Variants in ZNF492 observed in about 807,000 individuals in gnomAD.
ZNF492 encodes zinc finger protein 492.
Under a neutral mutation model 6.4 loss-of-function variants are expected in ZNF492, and 3 were observed. The ratio of observed to expected loss-of-function variants is 0.47; its 90% CI spans 0.21 to 1.22. ZNF492 has a LOEUF of 1.22. Among genes scored for constraint, ZNF492 ranks in the 50% most tolerant of loss-of-function variants. The pLI, the probability that ZNF492 is intolerant of heterozygous loss-of-function variation, is 0.22. For synonymous variants in ZNF492, 112 were observed against 205.3 expected (o/e 0.55, Z 3.89); for missense variants, 356 against 612.5 (o/e 0.58, Z 4.42).
At chr19:22,644,784 G>C (rs549839604) in intron 1 of ZNF492, among the ~76,000 whole-genome samples, 2 of 152,244 alleles carry the variant, frequency 1.3e-5, no homozygotes, top group Admixed American at 1.3e-4. Flanking sequence ...TCTGGTTCTA[G>C]ATCCTTGAGG....
At chr19:22,637,256 C>T (rs1023186875) in intron 1 of ZNF492, among the ~76,000 whole-genome samples, 2 of 151,968 alleles carry the variant, frequency 1.3e-5, no homozygotes, top group African/African-American at 2.4e-5. Flanking sequence ...GGATTACAGG[C>T]GTGAGCCATT....
At chr19:22,655,816 G>GT (rs987078429) in intron 3 of ZNF492, among the ~76,000 whole-genome samples, 819 of 51,784 alleles carry the variant, frequency 0.016, 45 homozygotes, top group African/African-American at 0.027. Context: ...TTTTCTTGTT[G>GT]TTTTTTTTTT....
At chr19:22,646,764 A>C (rs1416486362) in intron 1 of ZNF492, among the ~76,000 whole-genome samples, 2 of 152,196 alleles carry the variant, frequency 1.3e-5, no homozygotes, top group African/African-American at 4.8e-5. Flanking sequence ...TTCTGCATCT[A>C]TTGAGATAAT....
In ZNF492 at chr19:22,640,535, C is replaced by G. The variant is rs774962093; in HGVS notation, c.-94+6061C>G. Among the ~76,000 whole-genome samples, 107 of 152,256 alleles carry G rather than the reference C, an allele frequency of 7.0e-4. 1 individual carries two copies. Among genetic ancestry groups the G allele is most frequent in the Non-Finnish European group, 5.4e-4 (37 of 68,024 alleles). The stretch of plus-strand genomic sequence containing the variant: ...TTATAGTTGGTTAGGTTTTTGATGT[C>G]CTGCTCAATTTGGTTTGCCAATATT... On this transcript the variant is annotated intron_variant, in intron 1 of 3. Transcript: ENST00000456783.
At position 22,663,888 on chromosome 19, in the gene ZNF492, A is replaced by T. The variant is rs570404746; in HGVS notation, c.219A>T (p.Lys73Asn). ...AAGTGATACTGAGAAGATATAAAAA[A>T]TGTGGATGTGAAAATTTACAGTTAA... is the stretch of plus-strand genomic sequence containing the variant. ...FQKVILRRYK[K>N]CGCENLQLRK... Residue 73 changes from lysine (K) to asparagine (N), a missense_variant, in exon 4 of 4, where the codon AAA (lysine) becomes AAT (asparagine). Around this residue, in one of 7 missense-constraint regions of ZNF492, gnomAD observed 196 missense variants for 219.4 expected, o/e 0.89. Transcript: ENST00000456783. 1.0e-5 allele frequency: 16 copies of T among 1,588,436 alleles called. No homozygotes were observed. The South Asian group carries it at 1.8e-4, about 18-fold the overall frequency.
chr19:22,635,284 C>T (rs555391445), intron 1 of ZNF492, among the ~76,000 whole-genome samples: 1 of 152,280 alleles, frequency 6.6e-6, no homozygotes, highest in African/African-American at 2.4e-5. Flanking sequence ...CACATAGGTC[C>T]CAAGCAGGTT....
chr19:22,641,976 G>A (rs1286955580), intron 1 of ZNF492, among the ~76,000 whole-genome samples: 1 of 151,944 alleles, frequency 6.6e-6, no homozygotes, highest in Non-Finnish European at 1.5e-5. Flanking sequence ...TGTGTTTTTA[G>A]TACAGACGGG....
chr19:22,660,754 ATACTTT>A (rs948263685), intron 3 of ZNF492, among the ~76,000 whole-genome samples: 9 of 151,372 alleles, frequency 5.9e-5, no homozygotes, highest in African/African-American at 1.9e-4. Context: ...TTTTTTTTTA[ATACTTT>A]TACTTTCAGT....
intron 3 of ZNF492, among the ~76,000 whole-genome samples, chr19:22,658,986 T>C (rs924285648): frequency 2.0e-5 from 3 of 152,084 alleles, no homozygotes; most frequent in Admixed American, 1.3e-4. Flanking sequence ...TTGGGTACTT[T>C]ATTGTATGTA....
intron 1 of ZNF492, among the ~76,000 whole-genome samples, chr19:22,642,113 T>C (rs540600768): frequency 3.3e-5 from 5 of 152,266 alleles, no homozygotes; most frequent in African/African-American, 9.6e-5. Context: ...CAGTTTATTA[T>C]AACATCTTTC....
intron 1 of ZNF492, among the ~76,000 whole-genome samples, chr19:22,650,898 AATGGCTTAAACAGC>A (rs1971932874): frequency 1.3e-5 from 2 of 152,030 alleles, no homozygotes; most frequent in African/African-American, 2.4e-5. Context: ...AGGGAGCTCA[AATGGCTTAAACAGC>A]AGGCAGCCAT....
At chr19:22,653,531 C>CTGTTTTTTTTTTTGTTT in intron 2 of ZNF492, 98 bp downstream of exon 2, 1 of 1,442,714 alleles carries the variant, frequency 6.9e-7, no homozygotes, top group Non-Finnish European at 9.4e-7. Context: ...TTTCAGATCT[C>CTGTTTTTTTTTTTGTTT]TGTTTTTTGT....
intron 1 of ZNF492, among the ~76,000 whole-genome samples, chr19:22,641,706 T>C (rs112541314): frequency 0.022 from 3,291 of 152,314 alleles, 54 homozygotes; most frequent in Non-Finnish European, 0.031. Flanking sequence ...TGTTGTAGTC[T>C]CCCACTATTA....
At chr19:22,661,264 A>G (rs62118823) in intron 3 of ZNF492, among the ~76,000 whole-genome samples, 29,027 of 151,230 alleles carry the variant, frequency 0.19, 3,623 homozygotes, top group African/African-American at 0.36. Context: ...GTGACTTTCT[A>G]CAGTGGACTG....
At chr19:22,661,957 T>G (rs773542297) in intron 3 of ZNF492, among the ~76,000 whole-genome samples, 2 of 152,170 alleles carry the variant, frequency 1.3e-5, no homozygotes, top group African/African-American at 2.4e-5. Flanking sequence ...GTCTTTCTGC[T>G]GCTGTAAAAC....
At chr19:22,640,480 C>G (rs1347959374) in intron 1 of ZNF492, among the ~76,000 whole-genome samples, 1 of 152,112 alleles carries the variant, frequency 6.6e-6, no homozygotes, top group Non-Finnish European at 1.5e-5. Flanking sequence ...GTTGAATTAG[C>G]CTTGCATCCC....
rs139574595 is a variant in ZNF492 at position 22,644,453 on chromosome 19, C to T, written c.-93-8854C>T. Among the ~76,000 whole-genome samples the T allele has an allele frequency of 2.5e-3, 379 of 152,240 alleles. 1 individual carries two copies. The highest frequency in any genetic ancestry group is 8.6e-3 in the African/African-American group (356 of 41,532). On this transcript the variant is annotated intron_variant, in intron 1 of 3. Transcript: ENST00000456783. ...TCCTTGTGTTCTCATTGTTCAACTA[C>T]CACTTATGAGTGAGAACATGCGGTT...
chr19:22,653,182 A>C, intron 1 of ZNF492, 125 bp from the exon 2 acceptor site: 1 of 1,080,022 alleles, frequency 9.3e-7, no homozygotes, highest in Non-Finnish European at 1.3e-6. Context: ...GTTATTTATT[A>C]AATATATCAG....
rs1972111790 is a variant in ZNF492 at position 22,665,219 on chromosome 19, T to C, written c.1550T>C (p.Ile517Thr). 6.3e-7 allele frequency: 1 copy of C among 1,592,368 alleles called. No individual in the cohort carries two copies. Among genetic ancestry groups the C allele is most frequent in the East Asian group, 2.2e-5 (1 of 44,512 alleles). ...AGTTGTAACAATGCTTGTGACAACA[T>C]TGCAAAGATTTCCAAATATAAAAGA... ...PESCNNACDN[I>T]AKISKYKRNC... The change falls in exon 4 of 4, where the codon ATT becomes ACT. Residue 517 changes from isoleucine (I) to threonine (T), a missense_variant. Physicochemically the swap from Ile to Thr is moderately conservative, Grantham distance 89 (BLOSUM62 -1). Coordinates refer to ENST00000456783, the MANE Select transcript of ZNF492 (RefSeq NM_020855.3).
Sources: gnomAD v4.1 joint callset for allele counts (sites outside exome capture counted in the v4.1 genomes callset) on GRCh38, gnomAD v4.1.1 for gene constraint, gnomAD v4.1.1 regional missense constraint, MANE v1.5 for transcripts, NCBI Gene and HGNC (gene_info 2026-07-23, HGNC 2026-07-21) for gene names.